The following PEAK1 variants were observed in gnomAD, a reference collection of about 807,000 sequenced individuals.
PEAK1 encodes pseudopodium enriched atypical kinase 1.
In PEAK1, 54 loss-of-function variants were observed where a neutral mutation model predicts 124.7. The observed-to-expected ratio is 0.43, with a 90% confidence interval of 0.35 to 0.54. PEAK1 has a LOEUF of 0.54. PEAK1 is among the 20% of genes least tolerant of loss of function. The pLI, the probability that PEAK1 is intolerant of heterozygous loss-of-function variation, is 0.01. For synonymous variants in PEAK1, 719 were observed against 760.0 expected, an observed-to-expected ratio of 0.95 and a Z score of 0.89; for missense variants, 2,046 against 2,134.5, an observed-to-expected ratio of 0.96 and a Z score of 0.82.
chr15:77,405,214 C>A (rs1313338358), intron 1 of PEAK1, among the ~76,000 whole-genome samples: 1 of 152,068 alleles, frequency 6.6e-6, no homozygotes, highest in Admixed American at 6.5e-5. Context: ...TCATGTTGGC[C>A]AGGATGGTCT....
chr15:77,327,672 C>A (rs1204484872), intron 2 of PEAK1, among the ~76,000 whole-genome samples: 1 of 151,330 alleles, frequency 6.6e-6, no homozygotes, highest in African/African-American at 2.4e-5. Context: ...GTTTTTTTAA[C>A]GTGAACCCTG....
rs556152607 is a variant in PEAK1, at chr15:77,214,344, C to T, written c.-114-32304G>A. Among the ~76,000 whole-genome samples the T allele has an allele frequency of 1.2e-3, 189 of 151,726 alleles. 1 individual carries two copies. The highest frequency in any genetic ancestry group is 2.3e-3 in the Non-Finnish European group (153 of 67,928). On this transcript the variant is annotated intron_variant, in intron 6 of 9. Coordinates refer to ENST00000682557, the MANE Select transcript of PEAK1 (RefSeq NM_001385026.1). ...AAAGAAAAGAGGTTTAGGCTGGGCG[C>T]GGTGGCTCACGTCTGTAATCCCAGT...
intron 9 of PEAK1, among the ~76,000 whole-genome samples, chr15:77,121,621 T>C (rs2051926192): frequency 6.6e-6 from 1 of 152,196 alleles, no homozygotes. Flanking sequence ...TGTCATTCGA[T>C]TCAATTTTCT....
At chr15:77,372,546 T>C (rs1051958728) in intron 1 of PEAK1, among the ~76,000 whole-genome samples, 12 of 152,230 alleles carry the variant, frequency 7.9e-5, no homozygotes, top group Non-Finnish European at 1.5e-4. Flanking sequence ...ATCACACTCT[T>C]ACTCTATGAA....
chr15:77,346,201 G>A (rs2066866025), intron 2 of PEAK1: 1 of 956,202 alleles, frequency 1.0e-6, no homozygotes, highest in Non-Finnish European at 1.2e-6. Flanking sequence ...GCATAATAAA[G>A]TCATTTCAAT....
chr15:77,238,813 C>A (rs978107022), intron 6 of PEAK1, among the ~76,000 whole-genome samples: 3 of 152,092 alleles, frequency 2.0e-5, no homozygotes, highest in Non-Finnish European at 2.9e-5. Context: ...TGTCAAACAC[C>A]AAGAAAAAAC....
chr15:77,317,655 C>T (rs972471469), intron 2 of PEAK1, among the ~76,000 whole-genome samples: 3 of 152,152 alleles, frequency 2.0e-5, no homozygotes, highest in Non-Finnish European at 2.9e-5. Flanking sequence ...TTTCACTCCT[C>T]GTTAGCCCTC....
intron 5 of PEAK1, among the ~76,000 whole-genome samples, chr15:77,276,265 C>T (rs980738349): frequency 6.6e-6 from 1 of 152,104 alleles, no homozygotes; most frequent in Non-Finnish European, 1.5e-5. Context: ...AGTGTAAACC[C>T]CAAATCAATC....
chr15:77,234,596 ATCTC>A (rs879273940), intron 6 of PEAK1, among the ~76,000 whole-genome samples: 6 of 152,184 alleles, frequency 3.9e-5, no homozygotes, highest in Non-Finnish European at 7.4e-5. Context: ...CATTCCACAC[ATCTC>A]TCTAAGTATA....
intron 8 of PEAK1, among the ~76,000 whole-genome samples, chr15:77,150,865 G>C (rs2054561923): frequency 6.6e-6 from 1 of 152,068 alleles, no homozygotes; most frequent in African/African-American, 2.4e-5. Context: ...TGGCTGCATA[G>C]TATTCCATGG....
chr15:77,141,515 G>C (rs2053785279), intron 8 of PEAK1, among the ~76,000 whole-genome samples: 1 of 152,132 alleles, frequency 6.6e-6, no homozygotes, highest in Non-Finnish European at 1.5e-5. Context: ...TAGACTTCTT[G>C]CAGAAACTGG....
intron 2 of PEAK1, among the ~76,000 whole-genome samples, chr15:77,306,945 C>T (rs1321084820): frequency 1.3e-5 from 2 of 152,068 alleles, no homozygotes; most frequent in Non-Finnish European, 2.9e-5. Flanking sequence ...AAGTGACTCC[C>T]CTTTAGAAAG....
chr15:77,412,628 G>A (rs2072507015), intron 1 of PEAK1, among the ~76,000 whole-genome samples: 1 of 152,118 alleles, frequency 6.6e-6, no homozygotes, highest in Non-Finnish European at 1.5e-5. Context: ...ATACATACAT[G>A]CATTTCCTAG....
At chr15:77,273,440 T>C (rs756093955) in intron 5 of PEAK1, among the ~76,000 whole-genome samples, 7 of 152,100 alleles carry the variant, frequency 4.6e-5, no homozygotes, top group Non-Finnish European at 8.8e-5. Context: ...AATTAATGTA[T>C]ACAAATCAGT....
intron 7 of PEAK1, among the ~76,000 whole-genome samples, chr15:77,169,688 T>C (rs975389652): frequency 1.3e-5 from 2 of 152,136 alleles, no homozygotes; most frequent in African/African-American, 4.8e-5. Context: ...AGGTCAGAGA[T>C]GATGGTAGTT....
At chr15:77,344,104 G>GT (rs1307537283) in intron 2 of PEAK1, among the ~76,000 whole-genome samples, 1 of 151,864 alleles carries the variant, frequency 6.6e-6, no homozygotes, top group Non-Finnish European at 1.5e-5. Context: ...CTGTTTTTTT[G>GT]TTTTTTTGAG....
intron 2 of PEAK1, among the ~76,000 whole-genome samples, chr15:77,304,668 T>C (rs2063984446): frequency 6.6e-6 from 1 of 152,082 alleles, no homozygotes; most frequent in South Asian, 2.1e-4. Context: ...CAGGATGGTC[T>C]CCATCTCCTG....
At chr15:77,286,926 T>G (rs1275440378) in intron 2 of PEAK1, among the ~76,000 whole-genome samples, 1 of 152,142 alleles carries the variant, frequency 6.6e-6, no homozygotes, top group Non-Finnish European at 1.5e-5. Flanking sequence ...TATAAAACTT[T>G]GATAATCCAA....
At chr15:77,420,261 G>T, upstream of PEAK1, 1 of 150,662 alleles carries the variant, frequency 6.6e-6, no homozygotes, top group South Asian at 2.0e-4. Context: ...CTGGAGCCGT[G>T]AGCACGCGCG....
Sources: allele counts gnomAD v4.1 joint callset (sites outside exome capture counted in the v4.1 genomes callset), GRCh38; gene constraint gnomAD v4.1.1; transcripts MANE v1.5; gene names NCBI Gene and HGNC (gene_info 2026-07-23, HGNC 2026-07-21).